The following CD58 variants were observed in gnomAD, a reference collection of about 807,000 sequenced individuals.
The protein encoded by CD58 is lymphocyte function-associated antigen 3.
A neutral mutation model predicts 27.6 loss-of-function variants in CD58; 14 were observed. The ratio of observed to expected loss-of-function variants is 0.51; its 90% CI spans 0.34 to 0.79. CD58 has a LOEUF of 0.79. CD58 is among the 30% of genes least tolerant of loss of function. The pLI, the probability that CD58 is intolerant of heterozygous loss-of-function variation, is 0.02. For synonymous variants in CD58, 117 were observed against 103.8 expected, an observed-to-expected ratio of 1.13 and a Z score of -0.77; for missense variants, 268 against 301.7, an observed-to-expected ratio of 0.89 and a Z score of 0.83.
At chr1:116,525,684 G>A (rs908356558) in intron 3 of CD58, among the ~76,000 whole-genome samples, 3 of 152,204 alleles carry the variant, frequency 2.0e-5, no homozygotes, top group African/African-American at 7.2e-5. Flanking sequence ...CATCCTCACT[G>A]GCATTTGGTG....
chr1:116,569,598 CTTTTTTTTTTT>C (rs35150803), intron 1 of CD58, among the ~76,000 whole-genome samples: 2 of 110,952 alleles, frequency 1.8e-5, no homozygotes, highest in Non-Finnish European at 3.6e-5. Flanking sequence ...CACAGCTCAC[CTTTTTTTTTTT>C]TTTTTTTTTT....
At chr1:116,525,892 C>G (rs1657412586) in intron 3 of CD58, among the ~76,000 whole-genome samples, 1 of 152,192 alleles carries the variant, frequency 6.6e-6, no homozygotes, top group Non-Finnish European at 1.5e-5. Context: ...CTCAGGTGAT[C>G]CGCCTGCCTC....
intron 3 of CD58, chr1:116,533,403 G>A: frequency 1.2e-6 from 1 of 827,044 alleles, no homozygotes. Context: ...ATCTGGTTCT[G>A]ATTTCATCTT....
chr1:116,544,705 C>G (rs1274121068), intron 1 of CD58, 101 bp from the exon 2 acceptor site: 1 of 733,894 alleles, frequency 1.4e-6, no homozygotes, highest in Non-Finnish European at 2.2e-6. Flanking sequence ...ACTGCTGACA[C>G]AAAATACAGG....
At chr1:116,533,555 C>G in intron 3 of CD58, 1 of 719,884 alleles carries the variant, frequency 1.4e-6, no homozygotes, top group South Asian at 1.4e-5. Flanking sequence ...TCATCATATT[C>G]CTGGACTAAT....
chr1:116,530,287 G>C (rs1359915096), intron 3 of CD58, among the ~76,000 whole-genome samples: 1 of 151,026 alleles, frequency 6.6e-6, no homozygotes, highest in East Asian at 2.0e-4. Flanking sequence ...CTCACTGCCA[G>C]CTCCGCCTCC....
At chr1:116,553,889 G>A (rs1571084108) in intron 1 of CD58, among the ~76,000 whole-genome samples, 1 of 152,174 alleles carries the variant, frequency 6.6e-6, no homozygotes, top group East Asian at 1.9e-4. Flanking sequence ...GACCTGGGAA[G>A]TAGAAGAAAG....
chr1:116,551,471 C>A lies in CD58; in HGVS notation c.71-6867G>T, dbSNP rs529321996. On this transcript the variant is annotated intron_variant, in intron 1 of 5. Coordinates refer to ENST00000369489, the MANE Select transcript of CD58 (RefSeq NM_001779.3). ...CCTGCAGCTTTCTCACCTCTCTCAG[C>A]CTTCACAGAACTAAAGAGAGTTAGG... 6.6e-5 allele frequency among the ~76,000 whole-genome samples: 10 copies of A among 152,336 alleles called. No homozygotes were observed. The South Asian group carries it at 1.9e-3, about 28-fold the overall frequency.
At chr1:116,568,775 G>A (rs1176626195) in intron 1 of CD58, among the ~76,000 whole-genome samples, 1 of 152,206 alleles carries the variant, frequency 6.6e-6, no homozygotes, top group East Asian at 1.9e-4. Context: ...TGAAGGTACT[G>A]AAGTGAAGAG....
chr1:116,519,118 T>A lies in CD58; in HGVS notation c.743+113A>T, dbSNP rs866940674. ...GTATATCTGCTGATGTTACTTCTTA[T>A]TACTGTACAAGGCAACCAACAGATG... On this transcript the variant is annotated intron_variant, in intron 5 of 5. Coordinates refer to ENST00000369489, the MANE Select transcript of CD58 (RefSeq NM_001779.3). This position sits in a 1 kb window ranked among gnomAD's most constrained non-coding sequence, Gnocchi z 4.7. 41 of 1,549,144 alleles carry A rather than the reference T, an allele frequency of 2.6e-5. 1 individual carries two copies. The Middle Eastern group carries it at 6.6e-3, about 250-fold the overall frequency.
intron 3 of CD58, chr1:116,533,752 A>G: frequency 1.4e-6 from 1 of 707,368 alleles, no homozygotes; most frequent in Non-Finnish European, 2.6e-6. Flanking sequence ...TGTTGGTTCA[A>G]CATCACCGGT....
rs1657193287 is a variant in CD58, at chr1:116,519,379, C to T, written c.707-112G>A. 6 of 913,078 alleles carry T rather than the reference C, an allele frequency of 6.6e-6. No individual in the cohort carries two copies. Among genetic ancestry groups the T allele is most frequent in the Non-Finnish European group, 1.0e-5 (6 of 573,112 alleles). 56.6% of individuals were successfully genotyped at this position (913,078 alleles called of 1,614,324 possible). On this transcript the variant is annotated intron_variant, in intron 4 of 5. Transcript: ENST00000369489. This position sits in a 1 kb window ranked among gnomAD's most constrained non-coding sequence, Gnocchi z 4.7. ...AATATGGAAAACTAAGCCAGAGCCC[C>T]ATCACCCTGGGATTTCCTGCTATCC...
At position 116,552,880 on chromosome 1, in the gene CD58, A is replaced by G. The variant is rs555924018; in HGVS notation, c.71-8276T>C. Reference sequence around the variant, plus strand: ...AGTTGCTACATCAAAAGGTAAATAGATTTTTTTTATTTTAATAGAAGTTGC... The same window carrying G: ...AGTTGCTACATCAAAAGGTAAATAGGTTTTTTTTATTTTAATAGAAGTTGC... On this transcript the variant is annotated intron_variant, in intron 1 of 5. Transcript: ENST00000369489. The surrounding 1 kb of genome is among the most constrained non-coding windows in gnomAD (Gnocchi z 4.5). Among the ~76,000 whole-genome samples the G allele has an allele frequency of 6.6e-6, 1 of 152,004 alleles. No individual in the cohort carries two copies. Among genetic ancestry groups the G allele is most frequent in the South Asian group, 2.1e-4 (1 of 4,818 alleles).
At position 116,559,332 on chromosome 1, in the gene CD58, G is replaced by A. The variant is rs895853702; in HGVS notation, c.70+11571C>T. On this transcript the variant is annotated intron_variant, in intron 1 of 5. Coordinates refer to ENST00000369489, the MANE Select transcript of CD58 (RefSeq NM_001779.3). This position sits in a 1 kb window ranked among gnomAD's most constrained non-coding sequence, Gnocchi z 4.4. ...AAGGTCAAAGATTCCGAAGCACCAG[G>A]CTACAGATGAAGAAATGGACTGAGA... Among the ~76,000 whole-genome samples, 1 of 152,144 alleles carries A rather than the reference G, an allele frequency of 6.6e-6. No homozygotes were observed. The highest frequency in any genetic ancestry group is 1.5e-5 in the Non-Finnish European group (1 of 68,016).
Position 116,538,309 on chromosome 1 carries a change from C to T in CD58, c.365-2081G>A, listed in dbSNP as rs955345782. Among the ~76,000 whole-genome samples the T allele has an allele frequency of 6.6e-6, 1 of 152,168 alleles. No individual in the cohort carries two copies. Among genetic ancestry groups the T allele is most frequent in the Non-Finnish European group, 1.5e-5 (1 of 68,024 alleles). Reference sequence around the variant, plus strand: ...TTGACTCAAAATTGAAAGCCTAGAGCCCTGCTCTCCTAACTTCCTCTGGTC... The same window carrying T: ...TTGACTCAAAATTGAAAGCCTAGAGTCCTGCTCTCCTAACTTCCTCTGGTC... On this transcript the variant is annotated intron_variant, in intron 2 of 5. Coordinates refer to ENST00000369489, the MANE Select transcript of CD58 (RefSeq NM_001779.3). This position sits in a 1 kb window ranked among gnomAD's most constrained non-coding sequence, Gnocchi z 4.7.
intron 1 of CD58, among the ~76,000 whole-genome samples, chr1:116,547,947 A>T (rs541807405): frequency 6.6e-5 from 10 of 152,222 alleles, no homozygotes; most frequent in African/African-American, 2.4e-4. Context: ...TTCCCACCAC[A>T]CCCATGCCAA....
chr1:116,538,123 C>A lies in CD58; in HGVS notation c.365-1895G>T, dbSNP rs866320046. On this transcript the variant is annotated intron_variant, in intron 2 of 5. Transcript: ENST00000369489. The surrounding 1 kb of genome is among the most constrained non-coding windows in gnomAD (Gnocchi z 4.7). Reference sequence around the variant, plus strand: ...CACTGACTTCCCTTTCTACTTGGGGCTTCCTAGTTTTTAAGTTTAATCTAG... The same window carrying A: ...CACTGACTTCCCTTTCTACTTGGGGATTCCTAGTTTTTAAGTTTAATCTAG... Among the ~76,000 whole-genome samples, 38 of 152,264 alleles carry A rather than the reference C, an allele frequency of 2.5e-4. No homozygotes were observed. Among genetic ancestry groups the A allele is most frequent in the African/African-American group, 8.7e-4 (36 of 41,548 alleles).
At chr1:116,567,178 G>T (rs113866882) in intron 1 of CD58, among the ~76,000 whole-genome samples, 151 of 80,222 alleles carry the variant, frequency 1.9e-3, no homozygotes, top group African/African-American at 5.4e-3. Flanking sequence ...AAGAAGGAAA[G>T]AAGGGAAGGG....
At chr1:116,526,072 G>GT (rs1476185696) in intron 3 of CD58, among the ~76,000 whole-genome samples, 1 of 152,142 alleles carries the variant, frequency 6.6e-6, no homozygotes, top group African/African-American at 2.4e-5. Context: ...AGTTTTAAAA[G>GT]TTTTTTGTAT....
Sources: allele counts gnomAD v4.1 joint callset (sites outside exome capture counted in the v4.1 genomes callset), GRCh38; gene constraint gnomAD v4.1.1; non-coding constraint Gnocchi (gnomAD v3.1); transcripts MANE v1.5; gene names NCBI Gene and HGNC (gene_info 2026-07-23, HGNC 2026-07-21).